The following ZFHX3 variants were observed in gnomAD, a reference collection of about 807,000 sequenced individuals.
ZFHX3 encodes the protein zinc finger homeobox protein 3.
In ZFHX3, 42 loss-of-function variants were observed where a neutral mutation model predicts 279.1. The ratio of observed to expected loss-of-function variants is 0.15; its 90% CI spans 0.12 to 0.19. The LOEUF (loss-of-function observed/expected upper bound fraction) is 0.19, where lower values mean the gene tolerates loss of function less well. ZFHX3 is among the 10% of genes least tolerant of loss of function. The pLI is 1.00. For missense variants in ZFHX3, 4,981 were observed against 4,754.0 expected (o/e 1.05, Z -1.40); for synonymous variants, 2,293 against 1,957.8 (o/e 1.17, Z -4.52).
chr16:73,457,106 G>A (rs2018385108), intron 2 of ZFHX3, among the ~76,000 whole-genome samples: 1 of 152,150 alleles, frequency 6.6e-6, no homozygotes, highest in Non-Finnish European at 1.5e-5. Flanking sequence ...GAGCAAACTG[G>A]TAGAACCACT....
chr16:72,806,640 T>A (rs1177996283), intron 7 of ZFHX3, among the ~76,000 whole-genome samples: 1 of 152,030 alleles, frequency 6.6e-6, no homozygotes, highest in Non-Finnish European at 1.5e-5. Flanking sequence ...GAGCCCCAGA[T>A]AACCAGCCTG....
At chr16:72,840,462 A>G (rs1197966620) in intron 4 of ZFHX3, among the ~76,000 whole-genome samples, 1 of 152,234 alleles carries the variant, frequency 6.6e-6, no homozygotes, top group Non-Finnish European at 1.5e-5. Flanking sequence ...ACAGTTTGAC[A>G]ATACCAATGG....
chr16:73,027,089 A>T (rs1253584537), intron 1 of ZFHX3, among the ~76,000 whole-genome samples: 1 of 152,260 alleles, frequency 6.6e-6, no homozygotes, highest in Non-Finnish European at 1.5e-5. Context: ...ATTTAGGAAC[A>T]CAAATATAAA....
At chr16:73,157,594 C>T (rs987341461) in intron 5 of ZFHX3, among the ~76,000 whole-genome samples, 6 of 151,682 alleles carry the variant, frequency 4.0e-5, no homozygotes, top group African/African-American at 1.2e-4. Flanking sequence ...TCATTGTTTC[C>T]AATTTGGCTT....
At chr16:73,085,946 A>G (rs1010656087) in intron 8 of ZFHX3, among the ~76,000 whole-genome samples, 2 of 149,684 alleles carry the variant, frequency 1.3e-5, no homozygotes, top group African/African-American at 4.9e-5. Flanking sequence ...ACAAGAGATC[A>G]GTAACCAGAA....
chr16:73,510,586 G>T (rs1036417295), intron 2 of ZFHX3, among the ~76,000 whole-genome samples: 2 of 152,190 alleles, frequency 1.3e-5, no homozygotes, highest in African/African-American at 4.8e-5. Context: ...ATTACGTAGG[G>T]TCACCATGTA....
chr16:73,736,365 T>G (rs1490161519), intron 1 of ZFHX3, among the ~76,000 whole-genome samples: 1 of 152,182 alleles, frequency 6.6e-6, no homozygotes, highest in Admixed American at 6.5e-5. Flanking sequence ...CTGCAACAAA[T>G]CCGTTATTCT....
chr16:73,264,091 C>T (rs576324239), intron 4 of ZFHX3, among the ~76,000 whole-genome samples: 34 of 152,214 alleles, frequency 2.2e-4, no homozygotes, highest in Non-Finnish European at 3.5e-4. Flanking sequence ...AGCTTGAACC[C>T]GGGAGGCAGG....
chr16:73,147,259 G>A (rs569995355), intron 5 of ZFHX3, among the ~76,000 whole-genome samples: 1 of 152,270 alleles, frequency 6.6e-6, no homozygotes, highest in African/African-American at 2.4e-5. Flanking sequence ...GTACAACGGG[G>A]ATGAATTTGG....
intron 2 of ZFHX3, among the ~76,000 whole-genome samples, chr16:73,524,547 G>T (rs825855): frequency 0.6 from 91,479 of 152,134 alleles, 28,505 homozygotes; most frequent in East Asian, 0.99. Context: ...GTTCTGATTC[G>T]CATGTTCTTG....
chr16:73,683,290 G>A (rs1430068341), intron 1 of ZFHX3, among the ~76,000 whole-genome samples: 1 of 152,232 alleles, frequency 6.6e-6, no homozygotes. Flanking sequence ...GAGTGAAAGA[G>A]AGCAGGGTGT....
chr16:73,420,255 A>G (rs771120992), intron 3 of ZFHX3: 2 of 152,236 alleles, frequency 1.3e-5, no homozygotes, highest in Admixed American at 6.5e-5. Flanking sequence ...TAAATTTTAT[A>G]TAAGATTCTG....
Position 73,365,485 on chromosome 16 carries a change from AAAT to A in ZFHX3, c.-1290-47152_-1290-47150del, listed in dbSNP as rs1177462103. ...TAGCGATGGGGCTCAGCACCAAGCC[AAAT>A]AATATCTCATTAATCCCTTTACAGA... is the stretch of plus-strand genomic sequence containing the variant. On this transcript the variant is annotated intron_variant, in intron 3 of 17. Transcript: ENST00000641206. Among the ~76,000 whole-genome samples the A allele has an allele frequency of 3.3e-5, 5 of 152,242 alleles. No homozygotes were observed. The East Asian group carries it at 9.6e-4, about 29-fold the overall frequency.
intron 1 of ZFHX3, among the ~76,000 whole-genome samples, chr16:73,771,171 A>C (rs892339749): frequency 6.6e-6 from 1 of 152,204 alleles, no homozygotes; most frequent in African/African-American, 2.4e-5. Context: ...CTTAGAAAAC[A>C]GGCAAGGGGT....
chr16:73,422,151 G>A (rs544632171), intron 3 of ZFHX3, among the ~76,000 whole-genome samples: 3 of 151,704 alleles, frequency 2.0e-5, no homozygotes, highest in South Asian at 2.1e-4. Flanking sequence ...CATTTAAGAA[G>A]CCCAAGAAGA....
intron 3 of ZFHX3, among the ~76,000 whole-genome samples, chr16:73,426,121 C>T (rs2017806250): frequency 6.6e-6 from 1 of 152,166 alleles, no homozygotes; most frequent in South Asian, 2.1e-4. Context: ...ACTGGGCCGC[C>T]CATGAGCCCT....
At chr16:73,108,974 G>A (rs980107746) in intron 7 of ZFHX3, among the ~76,000 whole-genome samples, 1 of 146,884 alleles carries the variant, frequency 6.8e-6, no homozygotes, top group Non-Finnish European at 1.5e-5. Context: ...AAGAGGTGCG[G>A]CTAACAAGCT....
intron 3 of ZFHX3, among the ~76,000 whole-genome samples, chr16:73,331,897 G>C (rs1301645348): frequency 6.6e-6 from 1 of 152,126 alleles, no homozygotes; most frequent in East Asian, 1.9e-4. Context: ...TTCTAAAAGA[G>C]GACAGCTAGC....
At chr16:72,927,663 A>T (rs1166353929) in intron 3 of ZFHX3, among the ~76,000 whole-genome samples, 2 of 151,862 alleles carry the variant, frequency 1.3e-5, no homozygotes, top group Non-Finnish European at 2.9e-5. Flanking sequence ...CCCTCCGCAC[A>T]GCCCCCCGCC....
Sources: allele counts gnomAD v4.1 joint callset (sites outside exome capture counted in the v4.1 genomes callset), GRCh38; gene constraint gnomAD v4.1.1; transcripts MANE v1.5; gene names NCBI Gene and HGNC (gene_info 2026-07-23, HGNC 2026-07-21).